CERS6: variants seen among roughly 807,000 people sequenced by gnomAD.
CERS6 encodes the protein LAG1 homolog, ceramide synthase 6.
CERS6 carries 26 observed loss-of-function variants against 56.8 expected under a neutral mutation model. The observed-to-expected ratio is 0.46, with a 90% CI of 0.34 to 0.63. CERS6 has a LOEUF of 0.63. CERS6 is among the 30% of genes least tolerant of loss of function. The pLI, the probability that CERS6 is intolerant of heterozygous loss-of-function variation, is 0.01. For missense variants in CERS6, 415 were observed against 467.5 expected (o/e 0.89, Z 1.04); for synonymous variants, 164 against 173.3 (o/e 0.95, Z 0.42).
intron 4 of CERS6, among the ~76,000 whole-genome samples, chr2:168,677,417 A>G (rs1686092429): frequency 6.6e-6 from 1 of 152,126 alleles, no homozygotes; most frequent in Non-Finnish European, 1.5e-5. Flanking sequence ...CCAGTCTAAC[A>G]TTGATGGGCA....
intron 3 of CERS6, among the ~76,000 whole-genome samples, chr2:168,574,940 G>C (rs992059550): frequency 1.3e-5 from 2 of 152,242 alleles, no homozygotes; most frequent in Middle Eastern, 3.4e-3. Context: ...TTAAAGAAAA[G>C]CTTCTTGTTG....
At chr2:168,728,063 A>G (rs1284814014) in intron 8 of CERS6, among the ~76,000 whole-genome samples, 1 of 152,202 alleles carries the variant, frequency 6.6e-6, no homozygotes, top group East Asian at 1.9e-4. Context: ...GGCCTGTAGG[A>G]CAAAGCAGCC....
At chr2:168,492,045 G>T (rs1414461751) in intron 1 of CERS6, among the ~76,000 whole-genome samples, 1 of 152,208 alleles carries the variant, frequency 6.6e-6, no homozygotes, top group Non-Finnish European at 1.5e-5. Flanking sequence ...TTGGTTCCAA[G>T]TCTTTGCTAT....
intron 4 of CERS6, among the ~76,000 whole-genome samples, chr2:168,654,526 A>G (rs942846641): frequency 9.2e-5 from 14 of 152,272 alleles, no homozygotes; most frequent in Non-Finnish European, 1.8e-4. Context: ...CTGGGTGACA[A>G]GAGTGAAACT....
intron 5 of CERS6, among the ~76,000 whole-genome samples, chr2:168,692,586 C>T (rs1686533488): frequency 6.6e-6 from 1 of 152,066 alleles, no homozygotes; most frequent in South Asian, 2.1e-4. Context: ...AGAGGAAACA[C>T]CACGTGTATG....
chr2:168,531,820 C>CAAAAAAAAAAAAAAAAAAAA (rs370604357), intron 1 of CERS6, among the ~76,000 whole-genome samples: 1 of 95,606 alleles, frequency 1.0e-5, no homozygotes. Flanking sequence ...GACTCTGTCT[C>CAAAAAAAAAAAAAAAAAAAA]AAAAAAAAAA....
intron 1 of CERS6, among the ~76,000 whole-genome samples, chr2:168,490,094 G>A (rs1221326975): frequency 6.6e-6 from 1 of 152,056 alleles, no homozygotes; most frequent in Non-Finnish European, 1.5e-5. Context: ...TGCAACTCTG[G>A]GTCTGTCCCG....
chr2:168,764,944 A>G (rs1307344619), intron 8 of CERS6, among the ~76,000 whole-genome samples: 1 of 152,244 alleles, frequency 6.6e-6, no homozygotes, highest in Non-Finnish European at 1.5e-5. Context: ...CATTATTTGC[A>G]ATGGCCAAAA....
chr2:168,693,251 C>T (rs2105363688), intron 5 of CERS6, among the ~76,000 whole-genome samples: 1 of 152,220 alleles, frequency 6.6e-6, no homozygotes, highest in Middle Eastern at 3.4e-3. Flanking sequence ...ACTGTACAAT[C>T]TAGGTCTAGA....
At chr2:168,522,673 G>A (rs114621803) in intron 1 of CERS6, among the ~76,000 whole-genome samples, 1,639 of 152,008 alleles carry the variant, frequency 0.011, 14 homozygotes, top group African/African-American at 0.024. Context: ...TGAGTAGCTG[G>A]GACTACTGGC....
intron 6 of CERS6, among the ~76,000 whole-genome samples, chr2:168,696,610 C>CCCCA (rs888773325): frequency 7.9e-5 from 12 of 152,142 alleles, no homozygotes; most frequent in Non-Finnish European, 1.3e-4. Context: ...AGGTGAGGTG[C>CCCCA]CCCAGATCAA....
intron 1 of CERS6, among the ~76,000 whole-genome samples, chr2:168,471,820 G>A (rs552429120): frequency 2.6e-5 from 4 of 152,250 alleles, no homozygotes; most frequent in South Asian, 2.1e-4. Context: ...CTAAGAGTCC[G>A]GCTGCTGCTC....
At chr2:168,476,474 A>G (rs1357551185) in intron 1 of CERS6, among the ~76,000 whole-genome samples, 4 of 152,130 alleles carry the variant, frequency 2.6e-5, no homozygotes, top group Non-Finnish European at 5.9e-5. Context: ...GGATGGATGG[A>G]TAGATAGATG....
At chr2:168,584,496 G>A (rs1683494344) in intron 3 of CERS6, among the ~76,000 whole-genome samples, 1 of 152,172 alleles carries the variant, frequency 6.6e-6, no homozygotes, top group Non-Finnish European at 1.5e-5. Flanking sequence ...CATACACACA[G>A]CTTCTGTGGG....
In CERS6 at chr2:168,770,963, TA is replaced by T; in HGVS notation, c.*1303del. ...AAAATTACTGAAGAATAAGTTTCCA[TA>T]AGTCTCCTACATAGCAGTGTTATTT... On this transcript the variant is annotated 3_prime_UTR_variant, in exon 10 of 10. Coordinates refer to ENST00000305747, the MANE Select transcript of CERS6 (RefSeq NM_203463.3). 6.6e-6 allele frequency: 1 copy of T among 152,322 alleles called. No individual in the cohort carries two copies. Among genetic ancestry groups the T allele is most frequent in the Non-Finnish European group, 1.5e-5 (1 of 68,028 alleles). 9.4% of individuals were successfully genotyped at this position (152,322 alleles called of 1,614,324 possible). A position where few individuals can be genotyped will look rare whatever the true frequency, so the allele number is the denominator to read the frequency against.
chr2:168,475,345 A>T (rs1694049288), intron 1 of CERS6, among the ~76,000 whole-genome samples: 1 of 152,178 alleles, frequency 6.6e-6, no homozygotes, highest in Non-Finnish European at 1.5e-5. Flanking sequence ...ATCACCAATG[A>T]GTAGTTGAGC....
intron 8 of CERS6, among the ~76,000 whole-genome samples, chr2:168,734,463 T>G (rs1683652147): frequency 6.6e-6 from 1 of 152,170 alleles, no homozygotes; most frequent in Non-Finnish European, 1.5e-5. Flanking sequence ...AATAGGACAC[T>G]AACACTGAAC....
At chr2:168,679,492 A>T (rs774643909) in intron 4 of CERS6, among the ~76,000 whole-genome samples, 1 of 152,210 alleles carries the variant, frequency 6.6e-6, no homozygotes, top group Non-Finnish European at 1.5e-5. Flanking sequence ...GTATATCCAG[A>T]TGTGTCTATT....
chr2:168,653,936 G>T (rs992616459), intron 4 of CERS6, among the ~76,000 whole-genome samples: 1 of 152,168 alleles, frequency 6.6e-6, no homozygotes. Flanking sequence ...CTTGGGCTGA[G>T]ATGATGCTGA....
Sources: allele counts gnomAD v4.1 joint callset (sites outside exome capture counted in the v4.1 genomes callset), GRCh38; gene constraint gnomAD v4.1.1; transcripts MANE v1.5; gene names NCBI Gene and HGNC (gene_info 2026-07-23, HGNC 2026-07-21).